The following KIF13B variants were observed in gnomAD, a reference collection of about 807,000 sequenced individuals.
KIF13B encodes the protein kinesin family member 13B, also known as kinesin-like protein KIF13B.
KIF13B carries 127 observed loss-of-function variants against 222.0 expected under a neutral mutation model. That is an observed-to-expected ratio of 0.57 (90% CI 0.50 to 0.66). KIF13B has a LOEUF of 0.66. KIF13B is among the 30% of genes least tolerant of loss of function. The pLI is 0.00. For synonymous variants in KIF13B, 976 were observed against 919.0 expected, an observed-to-expected ratio of 1.06 and a Z score of -1.12; for missense variants, 2,173 against 2,379.0, an observed-to-expected ratio of 0.91 and a Z score of 1.80.
intron 1 of KIF13B, among the ~76,000 whole-genome samples, chr8:29,259,673 A>G (rs949457871): frequency 6.6e-6 from 1 of 152,218 alleles, no homozygotes; most frequent in African/African-American, 2.4e-5. Context: ...AATCCCACCA[A>G]TTACGGCTAC....
intron 10 of KIF13B, among the ~76,000 whole-genome samples, chr8:29,169,248 A>G (rs1812135055): frequency 2.0e-5 from 3 of 152,220 alleles, no homozygotes; most frequent in Non-Finnish European, 2.9e-5. Context: ...GCCTGGTTTT[A>G]TCGGTGAGAA....
chr8:29,247,833 C>CAAAAAAAAA (rs57720312), intron 1 of KIF13B, among the ~76,000 whole-genome samples: 3 of 54,410 alleles, frequency 5.5e-5, no homozygotes, highest in Non-Finnish European at 7.8e-5. Context: ...GACCCTGTCT[C>CAAAAAAAAA]AAAAAAAAAA....
chr8:29,124,522 T>G (rs1586811277), intron 26 of KIF13B, among the ~76,000 whole-genome samples: 1 of 148,376 alleles, frequency 6.7e-6, no homozygotes, highest in African/African-American at 2.5e-5. Flanking sequence ...CTGAGGCAGG[T>G]GAATCACTTG....
rs1196567562 is a variant in KIF13B, at chr8:29,113,491, G to A, written c.3902C>T (p.Thr1301Ile). ...HRSSIPGCGV[T>I]FEIVSNIPED... ...TGGAATATTGGAGACAATTTCAAAA[G>A]TCACTCCACAGCCAGGAATAGAACT... Residue 1301 changes from threonine to isoleucine, a missense_variant, in exon 32 of 40, where the codon ACT becomes ATT. Thr to Ile is a moderately conservative substitution (Grantham distance 89, BLOSUM62 -1). This residue lies in a region of KIF13B where 1,480 missense variants were observed against 1,722.8 expected (regional missense o/e 0.86). Transcript: ENST00000524189. 1.3e-6 allele frequency: 2 copies of A among 1,589,982 alleles called. No individual in the cohort carries two copies. The highest frequency in any genetic ancestry group is 2.7e-5 in the African/African-American group (2 of 74,444).
At chr8:29,188,661 CA>C in intron 4 of KIF13B, 54 bp from the exon 5 acceptor site, 2 of 1,128,084 alleles carry the variant, frequency 1.8e-6, no homozygotes, top group Non-Finnish European at 2.6e-6. Context: ...TACATATGAA[CA>C]ATTCACAAAA....
rs572988435 is a variant in KIF13B, at chr8:29,139,923, T to C, written c.2613+140A>G. The stretch of plus-strand genomic sequence containing the variant: ...AAAATTTGAAAAGGAACATAATACT[T>C]ACCATCTAAAGACCTGCAGTTCTCA... On this transcript the variant is annotated intron_variant, in intron 21 of 39. Coordinates refer to ENST00000524189, the MANE Select transcript of KIF13B (RefSeq NM_015254.4). 10 of 739,254 alleles carry C rather than the reference T, an allele frequency of 1.4e-5. No homozygotes were observed. The East Asian group carries it at 2.5e-4, about 18-fold the overall frequency. The allele number at this position is 739,254 out of a possible 1,614,324, so 45.8% of individuals were successfully genotyped here.
intron 14 of KIF13B, among the ~76,000 whole-genome samples, chr8:29,150,655 A>G (rs1169082162): frequency 2.0e-5 from 3 of 152,214 alleles, no homozygotes; most frequent in Admixed American, 2.0e-4. Flanking sequence ...TCCTATGTTA[A>G]GCAAGGCTAC....
intron 1 of KIF13B, among the ~76,000 whole-genome samples, chr8:29,257,111 G>C (rs966615770): frequency 6.6e-6 from 1 of 152,160 alleles, no homozygotes; most frequent in Non-Finnish European, 1.5e-5. Context: ...AAAAAGCATT[G>C]AACTCCATTG....
intron 6 of KIF13B, among the ~76,000 whole-genome samples, chr8:29,185,648 C>T (rs746151288): frequency 1.5e-4 from 23 of 152,236 alleles, no homozygotes; most frequent in South Asian, 4.1e-4. Flanking sequence ...CCTTGATCAT[C>T]TTCCTCATCC....
intron 2 of KIF13B, among the ~76,000 whole-genome samples, chr8:29,245,085 T>C (rs73224688): frequency 0.19 from 29,080 of 151,998 alleles, 3,682 homozygotes; most frequent in East Asian, 0.58. Context: ...CAAGAAGCCT[T>C]CTTCAATTGC....
At chr8:29,136,282 T>C (rs1037424145) in intron 21 of KIF13B, among the ~76,000 whole-genome samples, 2 of 152,150 alleles carry the variant, frequency 1.3e-5, no homozygotes, top group African/African-American at 4.8e-5. Context: ...ATAAAATAAA[T>C]AGAATAAATA....
At position 29,190,929 on chromosome 8, in the gene KIF13B, G is replaced by A. The variant is rs186137620; in HGVS notation, c.223+68C>T. ...TTTGGGGGGTTTGCCAAGCAATCGT[G>A]TAAGGGAAAAAATACTGAACCCCTC... On this transcript the variant is annotated intron_variant, in intron 4 of 39. Coordinates refer to ENST00000524189, the MANE Select transcript of KIF13B (RefSeq NM_015254.4). 4 of 1,251,354 alleles carry A rather than the reference G, an allele frequency of 3.2e-6. No homozygotes were observed. The African/African-American group carries it at 4.4e-5, about 14-fold the overall frequency. 77.5% of individuals were successfully genotyped at this position (1,251,354 alleles called of 1,614,324 possible).
intron 37 of KIF13B, among the ~76,000 whole-genome samples, chr8:29,079,083 A>G (rs1324763526): frequency 2.0e-5 from 3 of 152,198 alleles, no homozygotes; most frequent in Non-Finnish European, 4.4e-5. Context: ...ACCCCTTGAC[A>G]TGACATATAC....
At chr8:29,261,836 G>A (rs978890056) in intron 1 of KIF13B, among the ~76,000 whole-genome samples, 19 of 152,022 alleles carry the variant, frequency 1.2e-4, no homozygotes, top group African/African-American at 4.4e-4. Context: ...CAATTTCCCC[G>A]AGAAGGACAA....
chr8:29,179,951 T>A (rs368041329), intron 8 of KIF13B, among the ~76,000 whole-genome samples, 153 bp downstream of exon 8: 1 of 152,200 alleles, frequency 6.6e-6, no homozygotes, highest in Non-Finnish European at 1.5e-5. Context: ...TCCCTTTCTA[T>A]TGACCTAGAG....
Position 29,140,608 on chromosome 8 carries a change from A to G in KIF13B, c.2344T>C (p.Ser782Pro), listed in dbSNP as rs1586832338. Residue 782 changes from serine (S) to proline (P), a missense_variant, in exon 20 of 40, where the codon TCA becomes CCA. Transcript: ENST00000524189. ...AATGGATCAGCACGTTTGAAGTATG[A>G]TCGTATTACCTGTAAAGAGATTGAG... The part of the protein sequence containing the change: ...ECEEDNPVIR[S>P]YFKRADPFYD... The G allele has an allele frequency of 1.2e-6, 2 of 1,612,986 alleles. No homozygotes were observed. Among genetic ancestry groups the G allele is most frequent in the Non-Finnish European group, 1.7e-6 (2 of 1,179,478 alleles).
intron 1 of KIF13B, among the ~76,000 whole-genome samples, chr8:29,262,122 T>C (rs1325017998): frequency 6.6e-6 from 1 of 152,124 alleles, no homozygotes; most frequent in Non-Finnish European, 1.5e-5. Flanking sequence ...TTAAAGCAAC[T>C]CACCCAGTCA....
intron 2 of KIF13B, among the ~76,000 whole-genome samples, chr8:29,223,178 A>C (rs1216147095): frequency 5.5e-4 from 75 of 136,082 alleles, no homozygotes; most frequent in African/African-American, 1.3e-3. Flanking sequence ...AAAAAAAAAA[A>C]CAAAAAAAAA....
intron 4 of KIF13B, among the ~76,000 whole-genome samples, chr8:29,188,835 G>A (rs745967398): frequency 5.9e-5 from 9 of 152,090 alleles, no homozygotes; most frequent in Non-Finnish European, 1.2e-4. Flanking sequence ...AAATAAACAC[G>A]ACTAAGAATC....
Sources: allele counts gnomAD v4.1 joint callset (sites outside exome capture counted in the v4.1 genomes callset), GRCh38; gene constraint gnomAD v4.1.1; regional missense constraint gnomAD v4.1.1; transcripts MANE v1.5; gene names NCBI Gene and HGNC (gene_info 2026-07-23, HGNC 2026-07-21).